Variants in ERICH1 observed in about 807,000 individuals in gnomAD.
The protein encoded by ERICH1 is glutamate rich 1, also known as glutamate-rich protein 1.
Under a neutral mutation model 39.6 loss-of-function variants are expected in ERICH1, and 56 were observed. The ratio of observed to expected loss-of-function variants is 1.41; its 90% confidence interval spans 1.14 to 1.77. The LOEUF is 1.77. ERICH1 is among the 40% of genes most tolerant of loss of function. The pLI is 0.00. For missense variants in ERICH1, 826 were observed against 575.4 expected (o/e 1.44, Z -4.45); for synonymous variants, 313 against 223.6 (o/e 1.40, Z -3.57).
rs530676338 is a variant in ERICH1 at position 634,003 on chromosome 8, C to T, written c.977-18719G>A. ...TTGAAGGTGACACCAAAGGCCCAGG[C>T]GACAACAGAAAAAGCAGACAGCGGG... On this transcript the variant is annotated intron_variant, in intron 3 of 3. Coordinates refer to the ERICH1 transcript ENST00000522706. Among the ~76,000 whole-genome samples, 4 of 152,108 alleles carry T rather than the reference C, an allele frequency of 2.6e-5. No homozygotes were observed. In the South Asian group the frequency reaches 6.2e-4, roughly 24 times the overall value.
intron 3 of ERICH1, among the ~76,000 whole-genome samples, chr8:690,542 C>A (rs577511198): frequency 1.3e-5 from 2 of 152,376 alleles, no homozygotes; most frequent in African/African-American, 4.8e-5. Context: ...CCTAGATGGC[C>A]TCCGGGAGGG....
intron 1 of ERICH1, among the ~76,000 whole-genome samples, chr8:724,894 TGGCCCGGACCACGAGGGAGCCAC>T (rs1390838002): frequency 6.6e-6 from 1 of 152,062 alleles, no homozygotes; most frequent in African/African-American, 2.4e-5. Context: ...CCACGCCGCC[TGGCCCGGACCACGAGGGAGCCAC>T]GGCTGCCCCA....
chr8:716,151 G>A (rs1176945331), intron 1 of ERICH1, 144 bp from the exon 2 acceptor site: 1 of 1,019,958 alleles, frequency 9.8e-7, no homozygotes, highest in Admixed American at 3.3e-5. Flanking sequence ...CTCCCACGCT[G>A]GGCACTGCAC....
intron 1 of ERICH1, 50 bp from the exon 2 acceptor site, chr8:716,057 C>T: frequency 6.5e-7 from 1 of 1,546,684 alleles, no homozygotes; most frequent in South Asian, 1.3e-5. Context: ...ATGAATTATG[C>T]AGTTTATCTG....
intron 3 of ERICH1, among the ~76,000 whole-genome samples, chr8:619,085 C>T (rs1017962626): frequency 6.6e-6 from 1 of 152,102 alleles, no homozygotes; most frequent in South Asian, 2.1e-4. Flanking sequence ...CCAAGCCCAT[C>T]GAGAAAATGG....
At chr8:703,681 C>G (rs1310279395) in intron 2 of ERICH1, among the ~76,000 whole-genome samples, 1 of 152,144 alleles carries the variant, frequency 6.6e-6, no homozygotes, top group Admixed American at 6.5e-5. Flanking sequence ...GACGCAGTGA[C>G]AAAAACGAAG....
chr8:617,259 C>T (rs1003508907), intron 3 of ERICH1, among the ~76,000 whole-genome samples: 9 of 152,124 alleles, frequency 5.9e-5, no homozygotes, highest in African/African-American at 1.9e-4. Flanking sequence ...TTGCTGGGAG[C>T]GTGTTCTAAG....
chr8:657,669 G>A (rs1411743637), intron 3 of ERICH1, among the ~76,000 whole-genome samples: 1 of 151,694 alleles, frequency 6.6e-6, no homozygotes, highest in African/African-American at 2.4e-5. Context: ...GTTCATCTGC[G>A]TGGGTTTCAG....
downstream of ERICH1, among the ~76,000 whole-genome samples, chr8:660,633 T>C (rs1235797763): frequency 1.3e-5 from 2 of 152,204 alleles, no homozygotes; most frequent in East Asian, 1.9e-4. Flanking sequence ...CCTGTGGTCA[T>C]TTGTTATGCA....
downstream of ERICH1, among the ~76,000 whole-genome samples, chr8:662,688 TA>T (rs769115824): frequency 3.3e-4 from 50 of 152,152 alleles, no homozygotes; most frequent in Non-Finnish European, 5.7e-4. Context: ...AAGAAGCATT[TA>T]AACGGGAGGT....
intron 3 of ERICH1, among the ~76,000 whole-genome samples, chr8:644,188 C>T (rs1029071842): frequency 9.2e-5 from 14 of 152,222 alleles, no homozygotes; most frequent in Non-Finnish European, 1.5e-4. Context: ...GCCTCCTGGC[C>T]CCATCCTAAG....
intron 2 of ERICH1, among the ~76,000 whole-genome samples, chr8:697,175 C>G (rs1810513118): frequency 6.6e-6 from 1 of 152,186 alleles, no homozygotes; most frequent in African/African-American, 2.4e-5. Flanking sequence ...AGCGAACTCT[C>G]GTGGCCTCTT....
chr8:662,240 G>A (rs1050031003), downstream of ERICH1, among the ~76,000 whole-genome samples: 1 of 152,296 alleles, frequency 6.6e-6, no homozygotes, highest in Non-Finnish European at 1.5e-5. Flanking sequence ...AGGGGATGGA[G>A]AAGGTGGAGA....
intron 3 of ERICH1, among the ~76,000 whole-genome samples, chr8:629,718 C>G (rs1797849642): frequency 6.8e-6 from 1 of 146,262 alleles, no homozygotes; most frequent in African/African-American, 2.7e-5. Flanking sequence ...ACAGACAGAG[C>G]TGACTCACAC....
chr8:715,944 T>TC lies in ERICH1; in HGVS notation c.85dup (p.Glu29GlyfsTer17), dbSNP rs758327422. 1.9e-6 allele frequency: 3 copies of TC among 1,613,900 alleles called. No individual in the cohort carries two copies. The highest frequency in any genetic ancestry group is 2.5e-6 in the Non-Finnish European group (3 of 1,179,894). On this transcript the variant is annotated frameshift_variant, in exon 2 of 6. Coordinates refer to ENST00000262109, the MANE Select transcript of ERICH1 (RefSeq NM_207332.3). LOFTEE classifies it high-confidence loss of function. ...ATTTTGGACGGCCAGCGTCTGGGGT[T>TC]CCCTCTTTCCTTGGCCACTTGGAAC...
intron 3 of ERICH1, among the ~76,000 whole-genome samples, chr8:649,760 C>T (rs1369886644): frequency 6.6e-6 from 1 of 152,152 alleles, no homozygotes; most frequent in Non-Finnish European, 1.5e-5. Context: ...TGAGCGCAGG[C>T]ACCATCCATC....
At position 643,049 on chromosome 8, in the gene ERICH1, A is replaced by T. The variant is rs1799196839; in HGVS notation, c.976+25549T>A. Among the ~76,000 whole-genome samples the T allele has an allele frequency of 8.5e-5, 13 of 152,306 alleles. No individual in the cohort carries two copies. The South Asian group carries it at 2.7e-3, about 32-fold the overall frequency. On this transcript the variant is annotated intron_variant, in intron 3 of 3. Coordinates refer to the ERICH1 transcript ENST00000522706. ...CTGTTGCTACTGGAAGAGTCCTGTCACATGGATAAGCACCCCGCCCCTCAC... is the reference window on the plus strand; with the variant it reads ...CTGTTGCTACTGGAAGAGTCCTGTCTCATGGATAAGCACCCCGCCCCTCAC...
intron 3 of ERICH1, among the ~76,000 whole-genome samples, chr8:621,903 A>G (rs1236231123): frequency 6.6e-6 from 1 of 152,262 alleles, no homozygotes; most frequent in East Asian, 1.9e-4. Context: ...TAAAACAATT[A>G]GAGATTAAAT....
At chr8:624,390 C>A (rs904797459) in intron 3 of ERICH1, among the ~76,000 whole-genome samples, 5 of 152,224 alleles carry the variant, frequency 3.3e-5, no homozygotes, top group African/African-American at 1.2e-4. Context: ...AGTCACCACA[C>A]GAACCTGCAG....
Sources: gnomAD v4.1 joint callset for allele counts (sites outside exome capture counted in the v4.1 genomes callset) on GRCh38, gnomAD v4.1.1 for gene constraint, MANE v1.5 for transcripts, NCBI Gene and HGNC (gene_info 2026-07-23, HGNC 2026-07-21) for gene names.